The following UBAC2 variants were observed in gnomAD, a reference collection of about 807,000 sequenced individuals.
The protein encoded by UBAC2 is ubiquitin-associated domain-containing protein 2.
UBAC2 carries 26 observed loss-of-function variants against 44.0 expected under a neutral mutation model. The observed-to-expected ratio is 0.59, with a 90% CI of 0.43 to 0.82. The LOEUF is 0.82. Among genes scored for constraint, UBAC2 ranks in the 40% least tolerant of loss-of-function variants. The probability of loss-of-function intolerance (pLI) is 0.00; values close to 1 mark genes in which losing one functional copy is unlikely to be tolerated. For synonymous variants in UBAC2, 155 were observed against 154.3 expected, an observed-to-expected ratio of 1.00 and a Z score of -0.04; for missense variants, 329 against 419.4, an observed-to-expected ratio of 0.78 and a Z score of 1.88.
intron 8 of UBAC2, among the ~76,000 whole-genome samples, chr13:99,372,950 TAAAAAATA>T (rs949994566): frequency 6.6e-6 from 1 of 151,816 alleles, no homozygotes; most frequent in African/African-American, 2.4e-5. Flanking sequence ...CTGTCCCTAC[TAAAAAATA>T]AAAAAATAAA....
Position 99,254,990 on chromosome 13 carries a change from C to T in UBAC2, c.389+10366C>T, listed in dbSNP as rs773712081. The T allele has an allele frequency of 2.5e-6, 4 of 1,614,066 alleles. No homozygotes were observed. Among genetic ancestry groups the T allele is most frequent in the South Asian group, 2.2e-5 (2 of 91,078 alleles). The stretch of plus-strand genomic sequence containing the variant: ...TATAGCATGACACTAATGACTCGAG[C>T]CTGAAATTGTTTTGAAACGATGTAG... On this transcript the variant is annotated intron_variant, in intron 4 of 8. Transcript: ENST00000403766.
At chr13:99,323,978 G>C (rs1002349855) in intron 6 of UBAC2, among the ~76,000 whole-genome samples, 6 of 152,234 alleles carry the variant, frequency 3.9e-5, no homozygotes, top group African/African-American at 9.6e-5. Context: ...TGCAACTTAT[G>C]TTCTACCTGT....
intron 1 of UBAC2, among the ~76,000 whole-genome samples, chr13:99,232,251 A>G (rs1443802511): frequency 6.6e-6 from 1 of 152,056 alleles, no homozygotes; most frequent in Non-Finnish European, 1.5e-5. Flanking sequence ...TAAATATTTA[A>G]CATATTCAAA....
intron 1 of UBAC2, among the ~76,000 whole-genome samples, chr13:99,218,939 G>T (rs2043025992): frequency 6.6e-6 from 1 of 152,136 alleles, no homozygotes; most frequent in African/African-American, 2.4e-5. Flanking sequence ...TCTCTTGCAA[G>T]GCATGGGTTT....
intron 8 of UBAC2, among the ~76,000 whole-genome samples, chr13:99,374,412 C>G (rs1162950643): frequency 6.6e-6 from 1 of 152,010 alleles, no homozygotes; most frequent in Non-Finnish European, 1.5e-5. Flanking sequence ...TGTTGGAGCC[C>G]AAAACAATGG....
rs943613808 is a variant in UBAC2, at chr13:99,299,462, G to A, written c.390-14635G>A. ...TAGGGAAGCAAATACACACACACAC[G>A]CACACACACACACAGAAAGATGTCT... On this transcript the variant is annotated intron_variant, in intron 4 of 8. Coordinates refer to ENST00000403766, the MANE Select transcript of UBAC2 (RefSeq NM_001144072.2). Among the ~76,000 whole-genome samples the A allele has an allele frequency of 8.6e-5, 13 of 150,862 alleles. 1 individual carries two copies. The East Asian group carries it at 9.7e-4, about 11-fold the overall frequency.
chr13:99,248,377 A>G (rs1353699627), intron 4 of UBAC2, among the ~76,000 whole-genome samples: 1 of 146,970 alleles, frequency 6.8e-6, no homozygotes, highest in Non-Finnish European at 1.5e-5. Flanking sequence ...ATGTGCCACC[A>G]TGCCCACCTA....
intron 7 of UBAC2, among the ~76,000 whole-genome samples, chr13:99,353,016 C>T (rs1036728138): frequency 2.0e-5 from 3 of 152,244 alleles, no homozygotes; most frequent in African/African-American, 7.2e-5. Context: ...CCCTCCTCAG[C>T]ACTTTTCCTT....
chr13:99,361,584 A>T (rs934653443), intron 7 of UBAC2, among the ~76,000 whole-genome samples: 1 of 152,160 alleles, frequency 6.6e-6, no homozygotes, highest in Non-Finnish European at 1.5e-5. Context: ...CTACATACAT[A>T]CTTATCAGGG....
intron 6 of UBAC2, among the ~76,000 whole-genome samples, chr13:99,333,099 G>GGT (rs1555330133): frequency 2.6e-5 from 4 of 152,002 alleles, no homozygotes; most frequent in African/African-American, 9.7e-5. Context: ...CCGTCTCTGG[G>GGT]GGGGGAAGAA....
At chr13:99,325,484 CCTT>C (rs1341515391) in intron 6 of UBAC2, among the ~76,000 whole-genome samples, 1 of 152,168 alleles carries the variant, frequency 6.6e-6, no homozygotes. Flanking sequence ...CTCACATATC[CCTT>C]CTTCTAGGAA....
chr13:99,367,735 T>C (rs748188853), intron 7 of UBAC2, 52 bp from the exon 8 acceptor site: 1 of 1,612,606 alleles, frequency 6.2e-7, no homozygotes, highest in Non-Finnish European at 8.5e-7. Flanking sequence ...CCAAGCATTA[T>C]GATGATTCTG....
chr13:99,289,498 A>G (rs1295636702), intron 4 of UBAC2, among the ~76,000 whole-genome samples: 1 of 152,208 alleles, frequency 6.6e-6, no homozygotes, highest in Non-Finnish European at 1.5e-5. Context: ...GATCATGGGG[A>G]ACTATTCTCA....
chr13:99,367,515 T>C (rs577631045), intron 7 of UBAC2, among the ~76,000 whole-genome samples: 13 of 152,228 alleles, frequency 8.5e-5, no homozygotes, highest in Non-Finnish European at 1.9e-4. Flanking sequence ...TACAGTGTCT[T>C]TCACTGCCTT....
intron 4 of UBAC2, among the ~76,000 whole-genome samples, chr13:99,284,326 T>G (rs186528417): frequency 6.6e-6 from 1 of 152,366 alleles, no homozygotes; most frequent in African/African-American, 2.4e-5. Flanking sequence ...GTATTTTCAT[T>G]TAATAGACTG....
chr13:99,321,270 T>C (rs1181048775), intron 6 of UBAC2, among the ~76,000 whole-genome samples: 5 of 152,322 alleles, frequency 3.3e-5, no homozygotes, highest in Non-Finnish European at 7.3e-5. Flanking sequence ...GGATTGAGCT[T>C]ATTTTATTTA....
intron 1 of UBAC2, among the ~76,000 whole-genome samples, chr13:99,220,955 T>A (rs1039689938): frequency 1.3e-5 from 2 of 152,054 alleles, no homozygotes; most frequent in African/African-American, 2.4e-5. Context: ...GATGCTTTTT[T>A]AAAAAAAGTA....
intron 4 of UBAC2, among the ~76,000 whole-genome samples, chr13:99,292,159 A>G (rs1469069452): frequency 6.7e-6 from 1 of 149,436 alleles, no homozygotes; most frequent in African/African-American, 2.5e-5. Flanking sequence ...TTTTTGAGAC[A>G]GTCTCTCGCA....
At chr13:99,255,407 GA>G in intron 4 of UBAC2, 1 of 1,614,184 alleles carries the variant, frequency 6.2e-7, no homozygotes, top group South Asian at 1.1e-5. Context: ...AGCAGTAGCA[GA>G]GGGGTGGTCG....
Sources: allele counts gnomAD v4.1 joint callset (sites outside exome capture counted in the v4.1 genomes callset), GRCh38; gene constraint gnomAD v4.1.1; transcripts MANE v1.5; gene names NCBI Gene and HGNC (gene_info 2026-07-23, HGNC 2026-07-21).